Variants in EPHA5 observed in about 807,000 individuals in gnomAD.
EPHA5 encodes ephrin type-A receptor 5.
A neutral mutation model predicts 105.0 loss-of-function variants in EPHA5; 60 were observed. That is an observed-to-expected ratio of 0.57 (90% confidence interval 0.46 to 0.71). EPHA5 has a LOEUF of 0.71. Ranked by LOEUF, EPHA5 falls within the 30% of genes least tolerant of loss-of-function variation. The pLI is 0.00. For synonymous variants in EPHA5, 513 were observed against 449.1 expected, an observed-to-expected ratio of 1.14 and a Z score of -1.80; for missense variants, 1,218 against 1,274.7, an observed-to-expected ratio of 0.96 and a Z score of 0.68.
chr4:65,339,965 G>A (rs759203210), intron 14 of EPHA5, among the ~76,000 whole-genome samples: 1 of 152,154 alleles, frequency 6.6e-6, no homozygotes, highest in Non-Finnish European at 1.5e-5. Context: ...ACAAAGTGCT[G>A]TTGAACAAAA....
intron 4 of EPHA5, among the ~76,000 whole-genome samples, chr4:65,493,581 A>G (rs1057324480): frequency 1.3e-5 from 2 of 152,198 alleles, no homozygotes; most frequent in Non-Finnish European, 2.9e-5. Context: ...GATCTTATAC[A>G]TAAGTCCTAA....
At chr4:65,599,687 T>C (rs2149433036) in intron 3 of EPHA5, among the ~76,000 whole-genome samples, 1 of 152,274 alleles carries the variant, frequency 6.6e-6, no homozygotes, top group Non-Finnish European at 1.5e-5. Context: ...GATAAATGCA[T>C]GAATTAAGAC....
At chr4:65,365,789 A>T in intron 10 of EPHA5, 143 bp downstream of exon 10, 1 of 763,118 alleles carries the variant, frequency 1.3e-6, no homozygotes, top group Non-Finnish European at 1.9e-6. Context: ...AGGTTGTATT[A>T]AAATGTGATC....
At chr4:65,404,942 G>T (rs1011801196) in intron 7 of EPHA5, among the ~76,000 whole-genome samples, 4 of 152,078 alleles carry the variant, frequency 2.6e-5, no homozygotes, top group African/African-American at 7.2e-5. Context: ...TGGAGACATT[G>T]ATGACCAAAA....
chr4:65,543,828 A>G lies in EPHA5; in HGVS notation c.911-48285T>C, dbSNP rs757556776. On this transcript the variant is annotated intron_variant, in intron 3 of 16. Transcript: ENST00000613740. ...ACACTACCTGACTTTAAACTACACT[A>G]CAAGGCTACAGTAATGAAAACAGCA... 4.6e-5 allele frequency among the ~76,000 whole-genome samples: 7 copies of G among 152,234 alleles called. No individual in the cohort carries two copies. The East Asian group carries it at 5.8e-4, about 13-fold the overall frequency.
Position 65,670,106 on chromosome 4 carries a change from C to G in EPHA5, c.-364G>C, listed in dbSNP as rs1750331843. ...TACCACTAGGGGAAAGGTGAAGGTTCTTTGCAGCCTTCAGTGTTGAAATGG... is the reference window on the plus strand; with the variant it reads ...TACCACTAGGGGAAAGGTGAAGGTTGTTTGCAGCCTTCAGTGTTGAAATGG... On this transcript the variant is annotated 5_prime_UTR_variant, in exon 1 of 17. Coordinates refer to ENST00000613740, the MANE Select transcript of EPHA5 (RefSeq NM_001281766.3). The G allele has an allele frequency of 7.0e-6, 2 of 286,512 alleles. No homozygotes were observed. Among genetic ancestry groups the G allele is most frequent in the Admixed American group, 1.0e-4 (2 of 19,320 alleles). The allele number at this position is 286,512 out of a possible 1,614,324, so 17.7% of individuals were successfully genotyped here. A position where few individuals can be genotyped will look rare whatever the true frequency, so the allele number is the denominator to read the frequency against.
intron 11 of EPHA5, among the ~76,000 whole-genome samples, chr4:65,357,079 G>C (rs1723370088): frequency 6.6e-6 from 1 of 151,328 alleles, no homozygotes; most frequent in Non-Finnish European, 1.5e-5. Context: ...CCCAGCCCAG[G>C]GAGAAGTAAC....
chr4:65,481,986 G>A (rs1490375936), intron 5 of EPHA5, among the ~76,000 whole-genome samples: 2 of 152,126 alleles, frequency 1.3e-5, no homozygotes, highest in Non-Finnish European at 2.9e-5. Flanking sequence ...GAAAGTTAAG[G>A]TGGAATTATT....
At chr4:65,399,231 T>G (rs1414247024) in intron 8 of EPHA5, among the ~76,000 whole-genome samples, 1 of 152,202 alleles carries the variant, frequency 6.6e-6, no homozygotes, top group Non-Finnish European at 1.5e-5. Flanking sequence ...CAGCTGCAGC[T>G]GGCACTAATT....
intron 4 of EPHA5, among the ~76,000 whole-genome samples, chr4:65,494,457 T>A (rs962569211): frequency 1.3e-5 from 2 of 152,186 alleles, no homozygotes; most frequent in African/African-American, 4.8e-5. Flanking sequence ...GAGAGAGGGA[T>A]TCACTTCCCT....
Position 65,573,524 on chromosome 4 carries a change from T to C in EPHA5, c.910+28117A>G. 5 of 1,597,352 alleles carry C rather than the reference T, an allele frequency of 3.1e-6. No homozygotes were observed. The South Asian group carries it at 5.5e-5, about 18-fold the overall frequency. ...AGAAACCCGAAGCCAAGAAGACTGA[T>C]GCTGGTGGCAAGGTGAAAAAGGGTA... is the stretch of plus-strand genomic sequence containing the variant. On this transcript the variant is annotated intron_variant, in intron 3 of 16. Transcript: ENST00000613740.
chr4:65,360,913 A>G (rs1365544214), intron 11 of EPHA5, among the ~76,000 whole-genome samples: 2 of 151,568 alleles, frequency 1.3e-5, no homozygotes, highest in Non-Finnish European at 3.0e-5. Flanking sequence ...AGCTCATTGC[A>G]TAAGAAGGGT....
chr4:65,366,677 G>T (rs892452120), intron 9 of EPHA5, among the ~76,000 whole-genome samples: 3 of 151,844 alleles, frequency 2.0e-5, no homozygotes, highest in Non-Finnish European at 4.4e-5. Context: ...ATTAGGAAAT[G>T]AACTCAATGC....
At chr4:65,629,895 G>C (rs984442600) in intron 2 of EPHA5, among the ~76,000 whole-genome samples, 1 of 152,118 alleles carries the variant, frequency 6.6e-6, no homozygotes, top group Non-Finnish European at 1.5e-5. Context: ...GTCAATGTGA[G>C]CTAGTCACTT....
At chr4:65,660,574 A>G (rs1350543912) in intron 1 of EPHA5, among the ~76,000 whole-genome samples, 3 of 152,124 alleles carry the variant, frequency 2.0e-5, no homozygotes, top group Non-Finnish European at 4.4e-5. Context: ...CTACTAGGCT[A>G]CATAGGTACA....
chr4:65,465,533 AAAGGAAAGGAAGGAAAGGAAGGAAAGG>A (rs199624958), intron 5 of EPHA5, among the ~76,000 whole-genome samples: 1,045 of 69,740 alleles, frequency 0.015, 63 homozygotes, highest in Non-Finnish European at 0.02. Flanking sequence ...GAAAGAAAAG[AAAGGAAAGGAAGGAAAGGAAGGAAAGG>A]AAGGAAAGGA....
intron 3 of EPHA5, among the ~76,000 whole-genome samples, chr4:65,590,771 G>A (rs1742560123): frequency 6.6e-6 from 1 of 152,106 alleles, no homozygotes; most frequent in African/African-American, 2.4e-5. Context: ...CACTAAATAA[G>A]TCTATACAGA....
intron 5 of EPHA5, among the ~76,000 whole-genome samples, chr4:65,436,601 T>A (rs1725504459): frequency 6.6e-6 from 1 of 151,982 alleles, no homozygotes; most frequent in African/African-American, 2.4e-5. Flanking sequence ...AATTTGTGAT[T>A]CAATGTTTGT....
intron 3 of EPHA5, among the ~76,000 whole-genome samples, chr4:65,574,681 T>C (rs559460746): frequency 3.3e-4 from 27 of 81,020 alleles, no homozygotes; most frequent in Non-Finnish European, 5.0e-4. Context: ...TATATATACA[T>C]ATATATACAT....
Sources: gnomAD v4.1 joint callset for allele counts (sites outside exome capture counted in the v4.1 genomes callset) on GRCh38, gnomAD v4.1.1 for gene constraint, MANE v1.5 for transcripts, NCBI Gene and HGNC (gene_info 2026-07-23, HGNC 2026-07-21) for gene names.